The following PCDHGA4 variants were observed in gnomAD, a reference collection of about 807,000 sequenced individuals.
PCDHGA4 encodes the protein protocadherin gamma-A4.
PCDHGA4 carries 38 observed loss-of-function variants against 54.6 expected under a neutral mutation model. The ratio of observed to expected loss-of-function variants is 0.70; its 90% CI spans 0.54 to 0.91. The LOEUF is 0.91. Among genes scored for constraint, PCDHGA4 ranks in the 40% least tolerant of loss-of-function variants. The probability of loss-of-function intolerance (pLI) is 0.00; values close to 1 mark genes in which losing one functional copy is unlikely to be tolerated. For missense variants in PCDHGA4, 1,298 were observed against 1,220.9 expected, an observed-to-expected ratio of 1.06 and a Z score of -0.94; for synonymous variants, 511 against 512.9, an observed-to-expected ratio of 1.00 and a Z score of 0.05.
intron 1 of PCDHGA4, chr5:141,361,272 T>C: frequency 1.2e-6 from 2 of 1,613,890 alleles, no homozygotes; most frequent in Non-Finnish European, 1.7e-6. Flanking sequence ...CTGGAGAAAA[T>C]GGAGAAGTTT....
chr5:141,379,834 GA>G (rs199662644), intron 1 of PCDHGA4, among the ~76,000 whole-genome samples: 1 of 141,412 alleles, frequency 7.1e-6, no homozygotes, highest in Non-Finnish European at 1.5e-5. Context: ...GAAGCATCAG[GA>G]AAAAAAACTA....
At chr5:141,495,149 G>A (rs1448841303) in intron 2 of PCDHGA4, among the ~76,000 whole-genome samples, 1 of 152,170 alleles carries the variant, frequency 6.6e-6, no homozygotes, top group Non-Finnish European at 1.5e-5. Context: ...CCAAAGGATG[G>A]TCTTAAGCTG....
intron 2 of PCDHGA4, among the ~76,000 whole-genome samples, chr5:141,498,009 C>T (rs1160103624): frequency 6.6e-6 from 1 of 152,146 alleles, no homozygotes; most frequent in African/African-American, 2.4e-5. Context: ...TTACAGTGCA[C>T]TGAAGGAGAC....
intron 1 of PCDHGA4, chr5:141,415,164 G>A: frequency 1.9e-6 from 3 of 1,613,838 alleles, no homozygotes; most frequent in African/African-American, 2.7e-5. Flanking sequence ...CCACTGTCAC[G>A]CTCACCGTGG....
chr5:141,393,588 A>G, intron 1 of PCDHGA4: 1 of 1,613,924 alleles, frequency 6.2e-7, no homozygotes. Context: ...GCCCCCAGGC[A>G]CGCGGCTGCT....
At chr5:141,376,366 A>C in intron 1 of PCDHGA4, 1 of 1,614,206 alleles carries the variant, frequency 6.2e-7, no homozygotes, top group Non-Finnish European at 8.5e-7. Context: ...CACTCACTGC[A>C]GACTCGCGTA....
intron 1 of PCDHGA4, among the ~76,000 whole-genome samples, chr5:141,434,881 A>C (rs1221252749): frequency 6.6e-6 from 1 of 151,958 alleles, no homozygotes; most frequent in Non-Finnish European, 1.5e-5. Context: ...AGATACCAAC[A>C]ACAATCCAGT....
chr5:141,395,147 G>T (rs906877951), intron 1 of PCDHGA4: 21 of 1,614,092 alleles, frequency 1.3e-5, no homozygotes, highest in Non-Finnish European at 1.8e-5. Context: ...ACGCAGACAT[G>T]CTCATCAGTC....
intron 1 of PCDHGA4, chr5:141,410,620 G>T (rs765125633): frequency 6.2e-7 from 1 of 1,603,524 alleles, no homozygotes. Flanking sequence ...CTCTGACTTC[G>T]GTGAGTTTCT....
At position 141,487,152 on chromosome 5, in the gene PCDHGA4, C is replaced by T. The variant is rs772254681; in HGVS notation, c.2515-7655C>T. On this transcript the variant is annotated intron_variant, in intron 1 of 3. Coordinates refer to ENST00000571252, the MANE Select transcript of PCDHGA4 (RefSeq NM_018917.4). The surrounding 1 kb of genome is among the most constrained non-coding windows in gnomAD (Gnocchi z 5.0). ...AGTCCACCACTCTCTACCTCTGTTA[C>T]TCTCTTAGTGTCCTTAGAGGAAGAC... 3.7e-6 allele frequency: 6 copies of T among 1,613,860 alleles called. No homozygotes were observed. Among genetic ancestry groups the T allele is most frequent in the Non-Finnish European group, 5.1e-6 (6 of 1,179,828 alleles).
At chr5:141,372,292 G>T in intron 1 of PCDHGA4, 1 of 1,613,282 alleles carries the variant, frequency 6.2e-7, no homozygotes, top group Non-Finnish European at 8.5e-7. Context: ...CGTACCTTGG[G>T]CGACAGGGAG....
In PCDHGA4 at chr5:141,366,106, A is replaced by G. The variant is rs375843095; in HGVS notation, c.2514+8485A>G. On this transcript the variant is annotated intron_variant, in intron 1 of 3. Coordinates refer to ENST00000571252, the MANE Select transcript of PCDHGA4 (RefSeq NM_018917.4). ...CTGGCTACCTGGTGACCAAGGTGGTAGCGGTGGACAAAGATTCAGGCCAGA... is the reference window on the plus strand; with the variant it reads ...CTGGCTACCTGGTGACCAAGGTGGTGGCGGTGGACAAAGATTCAGGCCAGA... 739 of 1,614,224 alleles carry G rather than the reference A, an allele frequency of 4.6e-4. No homozygotes were observed. In the Middle Eastern group the frequency reaches 5.3e-3, roughly 12 times the overall value.
At chr5:141,364,840 C>G in intron 1 of PCDHGA4, 2 of 1,614,010 alleles carry the variant, frequency 1.2e-6, no homozygotes, top group Non-Finnish European at 1.7e-6. Context: ...TCCGGAGTTA[C>G]CAGCTCAGCT....
intron 1 of PCDHGA4, chr5:141,418,485 A>G (rs1216502936): frequency 6.2e-7 from 1 of 1,614,028 alleles, no homozygotes; most frequent in South Asian, 1.1e-5. Context: ...AGCGCTCACC[A>G]CTTGGTACTG....
intron 1 of PCDHGA4, chr5:141,409,346 G>A (rs573212606): frequency 4.3e-6 from 7 of 1,613,998 alleles, no homozygotes; most frequent in South Asian, 2.2e-5. Context: ...AAATGGAGAA[G>A]TCAGGTGTAA....
intron 1 of PCDHGA4, chr5:141,418,140 A>C (rs1487263767): frequency 6.2e-7 from 1 of 1,613,986 alleles, no homozygotes; most frequent in African/African-American, 1.3e-5. Context: ...GACCGTGAGC[A>C]AATATGCAAA....
At chr5:141,366,858 A>G (rs1764831423) in intron 1 of PCDHGA4, 1 of 1,440,284 alleles carries the variant, frequency 6.9e-7, no homozygotes, top group Admixed American at 2.3e-5. Context: ...GTGGAACATT[A>G]TTTGCTGTAT....
At position 141,477,369 on chromosome 5, in the gene PCDHGA4, A is replaced by G; in HGVS notation, c.2515-17438A>G. The G allele has an allele frequency of 6.2e-7, 1 of 1,614,164 alleles. No individual in the cohort carries two copies. Among genetic ancestry groups the G allele is most frequent in the Non-Finnish European group, 8.5e-7 (1 of 1,180,026 alleles). ...AAAACCAGTGCAGACCTGGATCGGG[A>G]GACTGTGCCAGAATACAACCTCAGC... On this transcript the variant is annotated intron_variant, in intron 1 of 3. Transcript: ENST00000571252. The surrounding 1 kb of genome is among the most constrained non-coding windows in gnomAD (Gnocchi z 4.9).
chr5:141,385,086 A>G, intron 1 of PCDHGA4: 1 of 1,614,206 alleles, frequency 6.2e-7, no homozygotes, highest in African/African-American at 1.3e-5. Context: ...AGGCTTCAGA[A>G]GGTGGCTTGG....
Sources: gnomAD v4.1 joint callset for allele counts (sites outside exome capture counted in the v4.1 genomes callset) on GRCh38, gnomAD v4.1.1 for gene constraint, Gnocchi (gnomAD v3.1) non-coding constraint, MANE v1.5 for transcripts, NCBI Gene and HGNC (gene_info 2026-07-23, HGNC 2026-07-21) for gene names.